SYNE2: variants seen among roughly 807,000 people sequenced by gnomAD.
SYNE2 encodes spectrin repeat containing nuclear envelope protein 2.
A neutral mutation model predicts 856.3 loss-of-function variants in SYNE2; 431 were observed. That is an observed-to-expected ratio of 0.50 (90% CI 0.47 to 0.55). The LOEUF (loss-of-function observed/expected upper bound fraction) is 0.55, where lower values mean the gene tolerates loss of function less well. SYNE2 is among the 20% of genes least tolerant of loss of function. The pLI is 0.00. For synonymous variants in SYNE2, 2,923 were observed against 2,872.3 expected (o/e 1.02, Z -0.56); for missense variants, 8,129 against 8,023.2 (o/e 1.01, Z -0.50).
chr14:63,974,804 G>GTGTATATATA (rs369224852), intron 11 of SYNE2, among the ~76,000 whole-genome samples: 41,234 of 130,776 alleles, frequency 0.32, 7,163 homozygotes, highest in Middle Eastern at 0.38. Flanking sequence ...GTGTATATAT[G>GTGTATATATA]TGTATATATG....
intron 2 of SYNE2, among the ~76,000 whole-genome samples, chr14:63,910,454 TGA>T (rs976440259): frequency 3.3e-5 from 5 of 152,200 alleles, no homozygotes; most frequent in Admixed American, 6.5e-5. Flanking sequence ...TTTAAATTGT[TGA>T]GAGGTTATAC....
chr14:63,967,764 T>A lies in SYNE2; in HGVS notation c.1046T>A (p.Val349Asp). 6.2e-7 allele frequency: 1 copy of A among 1,614,116 alleles called. No homozygotes were observed. Among genetic ancestry groups the A allele is most frequent in the Non-Finnish European group, 8.5e-7 (1 of 1,179,932 alleles). ...GAAGAAAAAAAGTCCTTTTTGGATGTCCTGTCAATAAAACGGGATCTGGAT... is the reference window on the plus strand; with the variant it reads ...GAAGAAAAAAAGTCCTTTTTGGATGACCTGTCAATAAAACGGGATCTGGAT... ...FNEEKKSFLDVLSIKRDLDEL... is the reference protein window; with the variant it reads ...FNEEKKSFLDDLSIKRDLDEL... The change falls in exon 11 of 116, where the codon GTC (valine) becomes GAC (aspartate). Residue 349 changes from valine (V) to aspartate (D), a missense_variant. By Grantham distance (152) the Val-to-Asp change is radical. Transcript: ENST00000555002.
At chr14:64,199,813 T>G (rs2098554421) in intron 99 of SYNE2, among the ~76,000 whole-genome samples, 1 of 152,140 alleles carries the variant, frequency 6.6e-6, no homozygotes, top group Non-Finnish European at 1.5e-5. Context: ...TGTTTTATTT[T>G]AATAATTAAG....
chr14:63,841,229 G>A (rs1005144114), intron 1 of SYNE2, among the ~76,000 whole-genome samples: 2 of 152,142 alleles, frequency 1.3e-5, no homozygotes, highest in African/African-American at 4.8e-5. Flanking sequence ...CACAGATGTT[G>A]CTCAGTTGGG....
intron 1 of SYNE2, among the ~76,000 whole-genome samples, chr14:63,795,630 G>A (rs1193670668): frequency 6.6e-6 from 1 of 152,068 alleles, no homozygotes; most frequent in Non-Finnish European, 1.5e-5. Context: ...GGATTACAAA[G>A]TAAGTAATCC....
intron 57 of SYNE2, among the ~76,000 whole-genome samples, chr14:64,085,781 T>G (rs890351356): frequency 3.3e-5 from 5 of 152,238 alleles, no homozygotes; most frequent in Admixed American, 3.3e-4. Context: ...GAGCATTTAT[T>G]TATGTCTTTA....
At chr14:64,221,503 T>TA in intron 111 of SYNE2, 73 bp from the exon 112 acceptor site, 1 of 1,614,054 alleles carries the variant, frequency 6.2e-7, no homozygotes, top group Non-Finnish European at 8.5e-7. Context: ...TTGGAAGCAG[T>TA]AAGCCATGTT....
intron 1 of SYNE2, among the ~76,000 whole-genome samples, chr14:63,815,044 A>C (rs1448622537): frequency 1.6e-5 from 2 of 127,110 alleles, no homozygotes; most frequent in African/African-American, 5.6e-5. Context: ...ATACATCCAC[A>C]TATATATATC....
At chr14:63,852,206 G>C (rs2139971988), upstream of SYNE2, among the ~76,000 whole-genome samples, 1 of 152,258 alleles carries the variant, frequency 6.6e-6, no homozygotes, top group East Asian at 1.9e-4. Context: ...TGTAATAATA[G>C]TGAGGTGCGC....
chr14:63,975,748 C>T (rs1311772379), intron 11 of SYNE2, among the ~76,000 whole-genome samples: 1 of 152,190 alleles, frequency 6.6e-6, no homozygotes, highest in Non-Finnish European at 1.5e-5. Context: ...CTAATTTTCG[C>T]CTAACTGCTG....
chr14:64,101,957 C>G lies in SYNE2; in HGVS notation c.12407C>G (p.Ser4136Trp). 6.2e-7 allele frequency: 1 copy of G among 1,613,796 alleles called. No individual in the cohort carries two copies. The highest frequency in any genetic ancestry group is 8.5e-7 in the Non-Finnish European group (1 of 1,179,712). The change falls in exon 64 of 116, where the codon TCG (serine) becomes TGG (tryptophan). Residue 4136 changes from serine to tryptophan, a missense_variant. By Grantham distance (177) the Ser-to-Trp change is radical (BLOSUM62 -3). This residue lies in a region of SYNE2 where 5,410 missense variants were observed against 5,284.8 expected (regional missense o/e 1.02). Transcript: ENST00000555002. ...AATGGAGATGAGAAGGCAGAGCCATCGCCTCAGTCTTGGTCTTCACTTTGG... is the reference window on the plus strand; with the variant it reads ...AATGGAGATGAGAAGGCAGAGCCATGGCCTCAGTCTTGGTCTTCACTTTGG... The part of the protein sequence containing the change: ...SDNGDEKAEP[S>W]PQSWSSLWKH...
intron 65 of SYNE2, among the ~76,000 whole-genome samples, chr14:64,108,462 G>T (rs2097785285): frequency 6.6e-6 from 1 of 152,088 alleles, no homozygotes; most frequent in African/African-American, 2.4e-5. Context: ...TACCTCAGTT[G>T]TTCTCAATAA....
Position 63,975,729 on chromosome 14 carries a change from T to C in SYNE2, c.1129-834T>C, listed in dbSNP as rs367790941. Reference sequence around the variant, plus strand: ...ATTTTAAGGTGCTTCCATGTTGGCATTTGAGCATCTAATTTTCGCCTAACT... The same window carrying C: ...ATTTTAAGGTGCTTCCATGTTGGCACTTGAGCATCTAATTTTCGCCTAACT... On this transcript the variant is annotated intron_variant, in intron 11 of 115. Transcript: ENST00000555002. 2.0e-4 allele frequency among the ~76,000 whole-genome samples: 30 copies of C among 152,334 alleles called. No individual in the cohort carries two copies. The East Asian group carries it at 5.2e-3, about 26-fold the overall frequency.
At position 64,081,598 on chromosome 14, in the gene SYNE2, T is replaced by G; in HGVS notation, c.11484+18T>G. 1 of 1,613,468 alleles carries G rather than the reference T, an allele frequency of 6.2e-7. No individual in the cohort carries two copies. Among genetic ancestry groups the G allele is most frequent in the Non-Finnish European group, 8.5e-7 (1 of 1,179,842 alleles). On this transcript the variant is annotated intron_variant, in intron 57 of 115. Coordinates refer to ENST00000555002, the MANE Select transcript of SYNE2 (RefSeq NM_182914.3). ...CTGTGCAGGTAAGTGTTCTTCCAGG[T>G]TTTCTGCCACTCATAGCATCTACAT...
At chr14:64,144,316 A>C (rs2098164035) in intron 83 of SYNE2, among the ~76,000 whole-genome samples, 1 of 152,230 alleles carries the variant, frequency 6.6e-6, no homozygotes, top group Non-Finnish European at 1.5e-5. Context: ...TTATAAAAAG[A>C]AAGAAAAATG....
At chr14:64,186,790 C>T (rs765631636) in intron 97 of SYNE2, among the ~76,000 whole-genome samples, 10 of 152,208 alleles carry the variant, frequency 6.6e-5, no homozygotes, top group Non-Finnish European at 1.2e-4. Context: ...GAACTTTGCA[C>T]GCTTTTAATG....
At chr14:64,067,952 T>G (rs2097370171) in intron 51 of SYNE2, among the ~76,000 whole-genome samples, 1 of 152,194 alleles carries the variant, frequency 6.6e-6, no homozygotes. Flanking sequence ...TTTGGTCTCC[T>G]TCATTGGATT....
At chr14:64,126,018 A>G (rs2097941327) in intron 71 of SYNE2, among the ~76,000 whole-genome samples, 1 of 152,190 alleles carries the variant, frequency 6.6e-6, no homozygotes, top group Non-Finnish European at 1.5e-5. Flanking sequence ...AGACAGTGTA[A>G]TTTATCTGGG....
intron 73 of SYNE2, 96 bp downstream of exon 73, chr14:64,126,903 A>G: frequency 7.9e-7 from 1 of 1,266,018 alleles, no homozygotes; most frequent in South Asian, 1.3e-5. Context: ...TTTGTTAATA[A>G]GAATTGCTAA....
Sources: allele counts gnomAD v4.1 joint callset (sites outside exome capture counted in the v4.1 genomes callset), GRCh38; gene constraint gnomAD v4.1.1; regional missense constraint gnomAD v4.1.1; transcripts MANE v1.5; gene names NCBI Gene and HGNC (gene_info 2026-07-23, HGNC 2026-07-21).